The following ERCC6L2 variants were observed in gnomAD, a reference collection of about 807,000 sequenced individuals.
The protein encoded by ERCC6L2 is DNA excision repair protein ERCC-6-like 2.
In ERCC6L2, 77 loss-of-function variants were observed where a neutral mutation model predicts 132.0. That is an observed-to-expected ratio of 0.58 (90% confidence interval 0.49 to 0.71). The LOEUF is 0.71. ERCC6L2 is among the 30% of genes least tolerant of loss of function. The probability of loss-of-function intolerance (pLI) is 0.00; values close to 1 mark genes in which losing one functional copy is unlikely to be tolerated. For synonymous variants in ERCC6L2, 583 were observed against 632.4 expected (o/e 0.92, Z 1.17); for missense variants, 1,542 against 1,837.6 (o/e 0.84, Z 2.94).
chr9:96,036,152 G>A (rs993393903), intron 19 of ERCC6L2, among the ~76,000 whole-genome samples: 8 of 152,036 alleles, frequency 5.3e-5, no homozygotes, highest in African/African-American at 1.4e-4. Context: ...TCTCCAGAAC[G>A]CTTTCCTTTG....
chr9:95,916,403 T>C lies in ERCC6L2; in HGVS notation c.1127T>C (p.Ile376Thr), dbSNP rs745759593. 6.3e-6 allele frequency: 10 copies of C among 1,588,024 alleles called. No individual in the cohort carries two copies. The highest frequency in any genetic ancestry group is 4.1e-5 in the African/African-American group (3 of 73,240). The change falls in exon 6 of 19, where the codon ATC (isoleucine) becomes ACC (threonine). Residue 376 changes from isoleucine (I) to threonine (T), a missense_variant. Transcript: ENST00000653738. The part of the protein sequence containing the change: ...GWFLRRTKTL[I>T]KDQLPKKEDR... ...TTTCTCAGGCGCACCAAGACTCTTA[T>C]CAAGGATCAGTTGCCTAAGAAGGAA...
At position 96,018,351 on chromosome 9, in the gene ERCC6L2, A is replaced by G. The variant is rs2133243325; in HGVS notation, c.*5148A>G. On this transcript the variant is annotated 3_prime_UTR_variant, in exon 19 of 19. Coordinates refer to ENST00000653738, the MANE Select transcript of ERCC6L2 (RefSeq NM_020207.7). ...TATGTGAGATTGCTGACTATATTTT[A>G]CTTATCAATTTGAAATTATATTGTT... Among the ~76,000 whole-genome samples the G allele has an allele frequency of 6.6e-6, 1 of 152,328 alleles. No homozygotes were observed. Among genetic ancestry groups the G allele is most frequent in the South Asian group, 2.1e-4 (1 of 4,832 alleles).
intron 17 of ERCC6L2, among the ~76,000 whole-genome samples, chr9:95,988,654 AT>A (rs1833185731): frequency 6.6e-6 from 1 of 152,148 alleles, no homozygotes; most frequent in Non-Finnish European, 1.5e-5. Context: ...GGGAAAAAAA[AT>A]CACCCTGTTT....
chr9:96,013,625 A>C lies in ERCC6L2; in HGVS notation c.*422A>C. The C allele has an allele frequency of 6.4e-6, 1 of 156,264 alleles. No homozygotes were observed. The highest frequency in any genetic ancestry group is 1.4e-5 in the Non-Finnish European group (1 of 70,468). The allele number at this position is 156,264 out of a possible 1,614,324, so 9.7% of individuals were successfully genotyped here. A position where few individuals can be genotyped will look rare whatever the true frequency, so the allele number is the denominator to read the frequency against. ...GCTCTCCTAATGGCTCATAGGCTGA[A>C]TCATGTCTGCCCCTCAAATCAGGTG... On this transcript the variant is annotated 3_prime_UTR_variant, in exon 19 of 19. Transcript: ENST00000653738.
At chr9:95,987,003 C>T (rs1264072997) in intron 17 of ERCC6L2, among the ~76,000 whole-genome samples, 1 of 152,192 alleles carries the variant, frequency 6.6e-6, no homozygotes, top group Non-Finnish European at 1.5e-5. Context: ...GAGAAAGGAG[C>T]AACCCCTTAT....
At position 95,909,647 on chromosome 9, in the gene ERCC6L2, A is replaced by C. The variant is rs147934420; in HGVS notation, c.788+2376A>C. 1.8e-4 allele frequency among the ~76,000 whole-genome samples: 27 copies of C among 152,196 alleles called. No homozygotes were observed. In the East Asian group the frequency reaches 4.8e-3, roughly 27 times the overall value. On this transcript the variant is annotated intron_variant, in intron 4 of 18. Transcript: ENST00000653738. The stretch of plus-strand genomic sequence containing the variant: ...AGTGTATCAGTGATTGTTCTTTCTT[A>C]ATGTTGCATTGTATTCCATTTCATC...
chr9:95,889,277 A>G (rs1427243559), intron 2 of ERCC6L2, among the ~76,000 whole-genome samples: 2 of 152,152 alleles, frequency 1.3e-5, no homozygotes, highest in African/African-American at 4.8e-5. Context: ...TGAATTATGA[A>G]TTTGCACAAT....
At chr9:95,907,857 C>CACACAAACACACACACACA in intron 4 of ERCC6L2, among the ~76,000 whole-genome samples, 2 of 133,740 alleles carry the variant, frequency 1.5e-5, no homozygotes, top group African/African-American at 5.6e-5. Context: ...ACACACACAC[C>CACACAAACACACACACACA]CCCACACCCA....
intron 6 of ERCC6L2, among the ~76,000 whole-genome samples, chr9:95,920,103 T>C (rs1345149992): frequency 3.9e-5 from 6 of 152,216 alleles, no homozygotes; most frequent in Non-Finnish European, 8.8e-5. Flanking sequence ...ACTGGCACCA[T>C]ATAGAAACAT....
intron 12 of ERCC6L2, among the ~76,000 whole-genome samples, chr9:95,952,252 T>C (rs541291672): frequency 6.6e-6 from 1 of 150,398 alleles, no homozygotes; most frequent in East Asian, 2.0e-4. Context: ...TTCCAATTAA[T>C]TCTATAAAGC....
intron 5 of ERCC6L2, 90 bp from the exon 6 acceptor site, chr9:95,916,137 A>G: frequency 1.7e-6 from 2 of 1,179,824 alleles, no homozygotes; most frequent in South Asian, 1.4e-5. Flanking sequence ...TACCGTTGAT[A>G]ATCAAGTAAT....
intron 13 of ERCC6L2, among the ~76,000 whole-genome samples, chr9:95,959,892 C>T (rs894236650): frequency 1.1e-4 from 17 of 151,822 alleles, no homozygotes; most frequent in African/African-American, 1.7e-4. Context: ...ACTCAGAAGA[C>T]GACTACTGAA....
chr9:95,901,829 A>G (rs925416147), intron 3 of ERCC6L2, among the ~76,000 whole-genome samples: 37 of 152,378 alleles, frequency 2.4e-4, no homozygotes, highest in African/African-American at 7.9e-4. Flanking sequence ...CACCAGTGAC[A>G]TTCTACAGTA....
At chr9:96,004,485 T>C in intron 17 of ERCC6L2, 35 bp from the exon 18 acceptor site, 1 of 1,216,070 alleles carries the variant, frequency 8.2e-7, no homozygotes, top group Non-Finnish European at 1.1e-6. Context: ...GACTATTTTT[T>C]CAGACATAGC....
chr9:95,979,468 G>T (rs1832805980), intron 17 of ERCC6L2, among the ~76,000 whole-genome samples: 1 of 152,168 alleles, frequency 6.6e-6, no homozygotes. Context: ...GAGAAGCAAA[G>T]CTTTTCCTAG....
rs1393308585 is a variant in ERCC6L2, at chr9:96,015,025, T to TTTG, written c.*1824_*1825insGTT. 4.5e-4 allele frequency among the ~76,000 whole-genome samples: 57 copies of TTTG among 126,074 alleles called. 1 individual carries two copies. Among genetic ancestry groups the TTTG allele is most frequent in the African/African-American group, 1.8e-3 (55 of 30,350 alleles). The allele number at this position is 126,074 out of a possible 152,430, so 82.7% of individuals were successfully genotyped here. ...CTTCATATATGTACAGTTTTTTTTT[T>TTTG]TTTTTTTTTTTTTTTGAGATTGAGT... On this transcript the variant is annotated 3_prime_UTR_variant, in exon 19 of 19. Coordinates refer to ENST00000653738, the MANE Select transcript of ERCC6L2 (RefSeq NM_020207.7).
downstream of ERCC6L2, chr9:96,021,137 C>T: frequency 2.6e-6 from 1 of 384,764 alleles, no homozygotes; most frequent in South Asian, 1.9e-5. The surrounding 1 kb of genome is among the most constrained non-coding windows in gnomAD (Gnocchi z 4.7). Context: ...CGGGGAACCC[C>T]GCGGGCCAAG....
chr9:95,956,043 A>T, intron 13 of ERCC6L2, 30 bp downstream of exon 13: 1 of 1,344,978 alleles, frequency 7.4e-7, no homozygotes, highest in Admixed American at 2.1e-5. Context: ...TCTGTTTCAG[A>T]GGTCAACATT....
At chr9:95,923,124 G>T in intron 8 of ERCC6L2, 136 bp from the exon 9 acceptor site, 1 of 979,114 alleles carries the variant, frequency 1.0e-6, no homozygotes, top group Non-Finnish European at 1.4e-6. Context: ...TGAATTCTTA[G>T]TCTGACTTAG....
Sources: allele counts gnomAD v4.1 joint callset (sites outside exome capture counted in the v4.1 genomes callset), GRCh38; gene constraint gnomAD v4.1.1; non-coding constraint Gnocchi (gnomAD v3.1); transcripts MANE v1.5; gene names NCBI Gene and HGNC (gene_info 2026-07-23, HGNC 2026-07-21).